The following DAZAP1 variants were observed in gnomAD, a reference collection of about 807,000 sequenced individuals.
DAZAP1 encodes the protein DAZ associated protein 1, also known as DAZ-associated protein 1.
A neutral mutation model predicts 60.1 loss-of-function variants in DAZAP1; 6 were observed. That is an observed-to-expected ratio of 0.10 (90% CI 0.05 to 0.20). The LOEUF (loss-of-function observed/expected upper bound fraction) is 0.20. Ranked by LOEUF, DAZAP1 falls within the 10% of genes least tolerant of loss-of-function variation. The pLI, the probability that DAZAP1 is intolerant of heterozygous loss-of-function variation, is 1.00. For missense variants in DAZAP1, 366 were observed against 560.4 expected (o/e 0.65, Z 3.50); for synonymous variants, 235 against 215.9 (o/e 1.09, Z -0.78).
rs764539453 is a variant in DAZAP1 at position 1,425,788 on chromosome 19, C to T, written c.464-90C>T. On this transcript the variant is annotated intron_variant, in intron 6 of 11. Coordinates refer to ENST00000233078, the MANE Select transcript of DAZAP1 (RefSeq NM_018959.4). This position sits in a 1 kb window ranked among gnomAD's most constrained non-coding sequence, Gnocchi z 5.4. Reference sequence around the variant, plus strand: ...ACACAGCTTAGCTGAAACCCAAGGTCGATCCCTCGGCCCGTCCCTAATACT... The same window carrying T: ...ACACAGCTTAGCTGAAACCCAAGGTTGATCCCTCGGCCCGTCCCTAATACT... 147 of 939,436 alleles carry T rather than the reference C, an allele frequency of 1.6e-4. No homozygotes were observed. The highest frequency in any genetic ancestry group is 2.2e-4 in the Non-Finnish European group (125 of 569,638). The allele number at this position is 939,436 out of a possible 1,614,324, so 58.2% of individuals were successfully genotyped here.
At position 1,434,641 on chromosome 19, in the gene DAZAP1, AGGCAGGCTC is replaced by A; in HGVS notation, c.1049-92_1049-84del. 1 of 1,384,702 alleles carries A rather than the reference AGGCAGGCTC, an allele frequency of 7.2e-7. No homozygotes were observed. Among genetic ancestry groups the A allele is most frequent in the African/African-American group, 1.5e-5 (1 of 68,852 alleles). The allele number at this position is 1,384,702 out of a possible 1,614,324, so 85.8% of individuals were successfully genotyped here. ...GCACCCCGTGGGACCCGTGGACTCAAGGCAGGCTCGGCGGAGCTGTGTCCAGGTGGCCTC... is the reference window on the plus strand; with the variant it reads ...GCACCCCGTGGGACCCGTGGACTCAAGGCGGAGCTGTGTCCAGGTGGCCTC... On this transcript the variant is annotated intron_variant, in intron 11 of 11. Transcript: ENST00000233078. This position sits in a 1 kb window ranked among gnomAD's most constrained non-coding sequence, Gnocchi z 8.0.
At chr19:1,408,893 G>C (rs1037784751) in intron 1 of DAZAP1, among the ~76,000 whole-genome samples, 1 of 152,222 alleles carries the variant, frequency 6.6e-6, no homozygotes, top group Admixed American at 6.5e-5. Flanking sequence ...GGGTTTCCTA[G>C]TGGTCTGGTG....
At chr19:1,410,219 A>G (rs908171124) in intron 1 of DAZAP1, 1 of 152,302 alleles carries the variant, frequency 6.6e-6, no homozygotes, top group African/African-American at 2.4e-5. Context: ...CCTGCCGGTG[A>G]TAACGGATGC....
At position 1,417,345 on chromosome 19, in the gene DAZAP1, C is replaced by T. The variant is rs536968045; in HGVS notation, c.30-155C>T. 8.3e-5 allele frequency: 66 copies of T among 796,796 alleles called. 2 individuals are homozygous for T. The highest frequency in any genetic ancestry group is 7.6e-4 in the South Asian group (50 of 66,164). 49.4% of individuals were successfully genotyped at this position (796,796 alleles called of 1,614,324 possible). The stretch of plus-strand genomic sequence containing the variant: ...GCAGACAGCATGGGCGAGGCTGACT[C>T]GCCATTGCTGTGAGCTTTGTATGCC... On this transcript the variant is annotated intron_variant, in intron 1 of 11. Coordinates refer to ENST00000233078, the MANE Select transcript of DAZAP1 (RefSeq NM_018959.4).
At chr19:1,412,184 G>A (rs922894001) in intron 1 of DAZAP1, among the ~76,000 whole-genome samples, 5 of 152,154 alleles carry the variant, frequency 3.3e-5, no homozygotes, top group Non-Finnish European at 7.4e-5. Context: ...GTGTTCTGTG[G>A]ACCCCACACC....
rs1019805664 is a variant in DAZAP1 at position 1,418,520 on chromosome 19, G to C, written c.238-146G>C. On this transcript the variant is annotated intron_variant, in intron 3 of 11. Coordinates refer to ENST00000233078, the MANE Select transcript of DAZAP1 (RefSeq NM_018959.4). This position sits in a 1 kb window ranked among gnomAD's most constrained non-coding sequence, Gnocchi z 5.7. The stretch of plus-strand genomic sequence containing the variant: ...AGGATTAAGCCTTGGTGCTGAGGCT[G>C]GATATTGCAGGAGGATACAGGGTGA... 2.1e-6 allele frequency: 3 copies of C among 1,415,376 alleles called. No homozygotes were observed. Among genetic ancestry groups the C allele is most frequent in the African/African-American group, 2.8e-5 (2 of 70,928 alleles). 87.7% of individuals were successfully genotyped at this position (1,415,376 alleles called of 1,614,324 possible). A position where few individuals can be genotyped will look rare whatever the true frequency, so the allele number is the denominator to read the frequency against.
At position 1,432,543 on chromosome 19, in the gene DAZAP1, C is replaced by T. The variant is rs1292507790; in HGVS notation, c.901C>T (p.Pro301Ser). The T allele has an allele frequency of 6.2e-7, 1 of 1,613,800 alleles. No homozygotes were observed. The highest frequency in any genetic ancestry group is 8.5e-7 in the Non-Finnish European group (1 of 1,179,986). ...TGGCTACGGGCCTCCACCTCCACCG[C>T]CAGATCAGTTTGCCCCTCCGGGGGT... ...SFGYGPPPPP[P>S]DQFAPPGVPP... Residue 301 changes from proline (P) to serine (S), a missense_variant, in exon 11 of 12, where the codon CCA becomes TCA. Transcript: ENST00000233078. The surrounding 1 kb of genome is among the most constrained non-coding windows in gnomAD (Gnocchi z 4.9).
At chr19:1,430,089 C>G (rs1220620033) in intron 9 of DAZAP1, 93 bp downstream of exon 9, 1 of 1,579,548 alleles carries the variant, frequency 6.3e-7, no homozygotes, top group Non-Finnish European at 8.7e-7. Context: ...AAGCCTGGTT[C>G]CCGTGTCCTG....
In DAZAP1 at chr19:1,428,642, A is replaced by AT; in HGVS notation, c.547-194dup. ...GTTGCATCTGTTGTACCTGAGAAAC[A>AT]TTTTTTAAACAAAAAAATTCAACAC... is the stretch of plus-strand genomic sequence containing the variant. On this transcript the variant is annotated intron_variant, in intron 7 of 11. Coordinates refer to ENST00000233078, the MANE Select transcript of DAZAP1 (RefSeq NM_018959.4). The surrounding 1 kb of genome is among the most constrained non-coding windows in gnomAD (Gnocchi z 4.0). 2 of 692,546 alleles carry AT rather than the reference A, an allele frequency of 2.9e-6. No homozygotes were observed. The highest frequency in any genetic ancestry group is 3.4e-5 in the Admixed American group (1 of 29,516). The allele number at this position is 692,546 out of a possible 1,614,324, so 42.9% of individuals were successfully genotyped here.
intron 6 of DAZAP1, among the ~76,000 whole-genome samples, chr19:1,424,718 G>A (rs889079548): frequency 1.3e-4 from 20 of 152,094 alleles, no homozygotes; most frequent in Admixed American, 3.9e-4. Flanking sequence ...GCCTTGTCAC[G>A]CACCCTGTGC....
intron 5 of DAZAP1, 137 bp downstream of exon 5, chr19:1,421,395 C>A: frequency 1.4e-6 from 1 of 707,854 alleles, no homozygotes. Context: ...TCGTATTTCC[C>A]CAACGCCTGC....
chr19:1,408,228 G>A (rs1447889677), intron 1 of DAZAP1, among the ~76,000 whole-genome samples: 1 of 152,184 alleles, frequency 6.6e-6, no homozygotes, highest in Non-Finnish European at 1.5e-5. Context: ...CTTCCTGGTT[G>A]TGGCGGCCCC....
intron 1 of DAZAP1, among the ~76,000 whole-genome samples, chr19:1,415,042 T>G (rs2082936596): frequency 6.6e-6 from 1 of 152,084 alleles, no homozygotes; most frequent in African/African-American, 2.4e-5. Flanking sequence ...GCTGTGATTA[T>G]AGGCGTGATC....
At position 1,423,421 on chromosome 19, in the gene DAZAP1, TTTCTC is replaced by T. The variant is rs1945672098; in HGVS notation, c.463+1031_463+1035del. ...GTGTGATTAACGATATCTCTTTAGATTTCTCTTCTCCAGGTGCTAAATTATATCAC... is the reference window on the plus strand; with the variant it reads ...GTGTGATTAACGATATCTCTTTAGATTTCTCCAGGTGCTAAATTATATCAC... On this transcript the variant is annotated intron_variant, in intron 6 of 11. Transcript: ENST00000233078. The surrounding 1 kb of genome is among the most constrained non-coding windows in gnomAD (Gnocchi z 6.8). 1.3e-5 allele frequency among the ~76,000 whole-genome samples: 2 copies of T among 152,262 alleles called. No homozygotes were observed. The highest frequency in any genetic ancestry group is 4.8e-5 in the African/African-American group (2 of 41,466).
At chr19:1,427,461 G>A (rs559191342) in intron 7 of DAZAP1, 2 of 152,380 alleles carry the variant, frequency 1.3e-5, no homozygotes, top group African/African-American at 2.4e-5. Flanking sequence ...GGCACTTGGC[G>A]TCGCCGCCGG....
intron 10 of DAZAP1, among the ~76,000 whole-genome samples, chr19:1,431,275 C>G (rs1264738503): frequency 1.3e-5 from 2 of 149,818 alleles, no homozygotes; most frequent in Non-Finnish European, 3.0e-5. Flanking sequence ...ACTACAGGCG[C>G]CCACCACCAC....
chr19:1,430,064 C>T, intron 9 of DAZAP1, 68 bp downstream of exon 9: 1 of 1,581,672 alleles, frequency 6.3e-7, no homozygotes, highest in Non-Finnish European at 8.6e-7. Flanking sequence ...GCCAGGTGTC[C>T]TGGGGCAGCC....
At position 1,428,770 on chromosome 19, in the gene DAZAP1, G is replaced by A. The variant is rs888088159; in HGVS notation, c.547-72G>A. On this transcript the variant is annotated intron_variant, in intron 7 of 11. Coordinates refer to ENST00000233078, the MANE Select transcript of DAZAP1 (RefSeq NM_018959.4). This position sits in a 1 kb window ranked among gnomAD's most constrained non-coding sequence, Gnocchi z 4.0. The stretch of plus-strand genomic sequence containing the variant: ...TGCTAAGTGTAGTCATAAGTTACCC[G>A]AGGGTGTGTCTAAAGGGAAGGGGGT... 9 of 1,575,398 alleles carry A rather than the reference G, an allele frequency of 5.7e-6. No individual in the cohort carries two copies. Among genetic ancestry groups the A allele is most frequent in the East Asian group, 2.3e-5 (1 of 44,182 alleles).
intron 8 of DAZAP1, among the ~76,000 whole-genome samples, chr19:1,429,511 C>A (rs914339201): frequency 3.3e-5 from 5 of 152,216 alleles, no homozygotes; most frequent in Non-Finnish European, 7.3e-5. Flanking sequence ...GCAGCCCGAC[C>A]CGAGTTGTGG....
Sources: allele counts gnomAD v4.1 joint callset (sites outside exome capture counted in the v4.1 genomes callset), GRCh38; gene constraint gnomAD v4.1.1; non-coding constraint Gnocchi (gnomAD v3.1); transcripts MANE v1.5; gene names NCBI Gene and HGNC (gene_info 2026-07-23, HGNC 2026-07-21).